TNFRSF8: variants seen among roughly 807,000 people sequenced by gnomAD.
TNFRSF8 encodes the protein TNF receptor superfamily member 8.
Under a neutral mutation model 70.8 loss-of-function variants are expected in TNFRSF8, and 26 were observed. That is an observed-to-expected ratio of 0.37 (90% CI 0.27 to 0.51). TNFRSF8 has a LOEUF of 0.51. TNFRSF8 is among the 20% of genes least tolerant of loss of function. The pLI, the probability that TNFRSF8 is intolerant of heterozygous loss-of-function variation, is 0.94. For missense variants in TNFRSF8, 720 were observed against 807.9 expected, an observed-to-expected ratio of 0.89 and a Z score of 1.32; for synonymous variants, 356 against 339.2, an observed-to-expected ratio of 1.05 and a Z score of -0.54.
rs762314898 is a variant in TNFRSF8 at position 12,119,704 on chromosome 1, C to T, written c.947-3580C>T. Among the ~76,000 whole-genome samples, 2 of 151,980 alleles carry T rather than the reference C, an allele frequency of 1.3e-5. No individual in the cohort carries two copies. The highest frequency in any genetic ancestry group is 2.4e-5 in the African/African-American group (1 of 41,358). On this transcript the variant is annotated intron_variant, in intron 8 of 14. Transcript: ENST00000263932. The surrounding 1 kb of genome is among the most constrained non-coding windows in gnomAD (Gnocchi z 4.4). Reference sequence around the variant, plus strand: ...GCAGCATTGAACTCCTGGGCTCGGGCGATCCTCCCACCTCAGCCTCCCACA... The same window carrying T: ...GCAGCATTGAACTCCTGGGCTCGGGTGATCCTCCCACCTCAGCCTCCCACA...
rs1012881524 is a variant in TNFRSF8, at chr1:12,141,156, C to G, written c.1544-1131C>G. On this transcript the variant is annotated intron_variant, in intron 14 of 14. Coordinates refer to ENST00000263932, the MANE Select transcript of TNFRSF8 (RefSeq NM_001243.5). The surrounding 1 kb of genome is among the most constrained non-coding windows in gnomAD (Gnocchi z 5.4). Reference sequence around the variant, plus strand: ...TTGAGGGTGTGGGGGACTCGAGAACCTTTTTGGGGTTCCTGAATCCGAGGG... The same window carrying G: ...TTGAGGGTGTGGGGGACTCGAGAACGTTTTTGGGGTTCCTGAATCCGAGGG... 2.0e-5 allele frequency among the ~76,000 whole-genome samples: 3 copies of G among 152,068 alleles called. No homozygotes were observed. The highest frequency in any genetic ancestry group is 6.5e-5 in the Admixed American group (1 of 15,276).
At position 12,093,437 on chromosome 1, in the gene TNFRSF8, G is replaced by A. The variant is rs553566317; in HGVS notation, c.152-3664G>A. 1.4e-4 allele frequency among the ~76,000 whole-genome samples: 22 copies of A among 152,264 alleles called. No homozygotes were observed. The East Asian group carries it at 1.9e-3, about 13-fold the overall frequency. ...CTGGGAGTGCAGGCTGGGGAATGCC[G>A]TATGAACTAGGTTGACAGAACATGT... On this transcript the variant is annotated intron_variant, in intron 2 of 14. Coordinates refer to ENST00000263932, the MANE Select transcript of TNFRSF8 (RefSeq NM_001243.5).
At chr1:12,097,326 T>A in intron 3 of TNFRSF8, 109 bp downstream of exon 3, 1 of 753,500 alleles carries the variant, frequency 1.3e-6, no homozygotes, top group Non-Finnish European at 2.2e-6. Context: ...TGATGTCTGT[T>A]CTCTGAATTG....
chr1:12,101,607 G>A (rs549281445), intron 3 of TNFRSF8, among the ~76,000 whole-genome samples: 3 of 152,244 alleles, frequency 2.0e-5, no homozygotes, highest in East Asian at 1.9e-4. Flanking sequence ...TGGGAGTAAC[G>A]CACGTGCTAC....
At chr1:12,128,661 T>G (rs1641987869) in intron 12 of TNFRSF8, among the ~76,000 whole-genome samples, 1 of 152,086 alleles carries the variant, frequency 6.6e-6, no homozygotes, top group African/African-American at 2.4e-5. Context: ...TTGGCACCAT[T>G]GACATTTGGG....
In TNFRSF8 at chr1:12,138,327, C is replaced by T. The variant is rs1296024076; in HGVS notation, c.1434C>T (p.Ala478=). Residue 478 remains alanine, a synonymous_variant, in exon 14 of 15, where the codon GCC becomes GCT. Transcript: ENST00000263932. This position sits in a 1 kb window ranked among gnomAD's most constrained non-coding sequence, Gnocchi z 5.7. ...LMETCHSVGA[A]YLESLPLQDA... is the part of the protein sequence containing the mutation. ...AGACCTGCCACAGCGTGGGGGCAGC[C>T]TACCTGGAGAGCCTGCCGCTGCAGG... 1.9e-6 allele frequency: 3 copies of T among 1,613,766 alleles called. No individual in the cohort carries two copies. The highest frequency in any genetic ancestry group is 1.3e-5 in the African/African-American group (1 of 75,038).
intron 1 of TNFRSF8, among the ~76,000 whole-genome samples, chr1:12,077,301 C>T (rs927400203): frequency 7.2e-5 from 11 of 152,244 alleles, no homozygotes; most frequent in South Asian, 4.1e-4. Flanking sequence ...ATTATCAGGG[C>T]GGGCCCAATC....
In TNFRSF8 at chr1:12,119,555, C is replaced by CTTT. The variant is rs57055779; in HGVS notation, c.947-3718_947-3716dup. ...ATGAATGAAAACAGCTGTGAATATT[C>CTTT]TTTTTTTTTTTTTAACATGTATGAA... On this transcript the variant is annotated intron_variant, in intron 8 of 14. Coordinates refer to ENST00000263932, the MANE Select transcript of TNFRSF8 (RefSeq NM_001243.5). This position sits in a 1 kb window ranked among gnomAD's most constrained non-coding sequence, Gnocchi z 4.4. Among the ~76,000 whole-genome samples the CTTT allele has an allele frequency of 0.02, 2,960 of 145,880 alleles. 47 individuals are homozygous for CTTT. The highest frequency in any genetic ancestry group is 0.039 in the South Asian group (179 of 4,582).
intron 3 of TNFRSF8, among the ~76,000 whole-genome samples, chr1:12,102,493 CATT>C (rs1641442088): frequency 6.6e-6 from 1 of 152,108 alleles, no homozygotes; most frequent in Admixed American, 6.5e-5. Context: ...GCCTGTTACA[CATT>C]AATTATTAGT....
intron 12 of TNFRSF8, among the ~76,000 whole-genome samples, chr1:12,130,676 C>T (rs564082326): frequency 5.9e-5 from 9 of 152,342 alleles, no homozygotes; most frequent in African/African-American, 2.2e-4. Flanking sequence ...CGCACGTGCT[C>T]CGTGAGCGTG....
intron 4 of TNFRSF8, among the ~76,000 whole-genome samples, chr1:12,105,519 A>C (rs1264696275): frequency 6.7e-6 from 1 of 148,958 alleles, no homozygotes; most frequent in Non-Finnish European, 1.5e-5. Flanking sequence ...ACCAAATCTG[A>C]ATCTGATCCT....
Position 12,143,233 on chromosome 1 carries a change from C to T in TNFRSF8, c.*702C>T, listed in dbSNP as rs1642291631. 1 of 152,346 alleles carries T rather than the reference C, an allele frequency of 6.6e-6. No homozygotes were observed. 9.4% of individuals were successfully genotyped at this position (152,346 alleles called of 1,614,324 possible). On this transcript the variant is annotated 3_prime_UTR_variant, in exon 15 of 15. Transcript: ENST00000263932. The surrounding 1 kb of genome is among the most constrained non-coding windows in gnomAD (Gnocchi z 4.1). Reference sequence around the variant, plus strand: ...CCCTCGGTGGGCCCAGGGCCTAGGGCCCAGGATCAAGTCACTCATCTCAGA... The same window carrying T: ...CCCTCGGTGGGCCCAGGGCCTAGGGTCCAGGATCAAGTCACTCATCTCAGA...
chr1:12,073,808 C>T (rs1312715990), intron 1 of TNFRSF8, among the ~76,000 whole-genome samples: 1 of 151,920 alleles, frequency 6.6e-6, no homozygotes, highest in African/African-American at 2.4e-5. Flanking sequence ...GTTGGCCAAG[C>T]TGGTCTCAAA....
At position 12,069,718 on chromosome 1, in the gene TNFRSF8, G is replaced by A. The variant is rs114920096; in HGVS notation, c.63+6057G>A. Among the ~76,000 whole-genome samples the A allele has an allele frequency of 2.3e-3, 348 of 152,278 alleles. 1 individual carries two copies. Among genetic ancestry groups the A allele is most frequent in the African/African-American group, 7.7e-3 (318 of 41,544 alleles). Reference sequence around the variant, plus strand: ...TGCCAGGAAGCACTCCGGGTGCTGCGAGTTCATCCATGCACCGCATAGCAG... The same window carrying A: ...TGCCAGGAAGCACTCCGGGTGCTGCAAGTTCATCCATGCACCGCATAGCAG... On this transcript the variant is annotated intron_variant, in intron 1 of 14. Transcript: ENST00000263932.
Position 12,109,434 on chromosome 1 carries a change from G to T in TNFRSF8, c.422-132G>T. ...GAAGGGGAACGGGTGCCAGGCGGGT[G>T]CCACCTCCAGATGACTGCTGTGTTT... On this transcript the variant is annotated intron_variant, in intron 4 of 14. Coordinates refer to ENST00000263932, the MANE Select transcript of TNFRSF8 (RefSeq NM_001243.5). The surrounding 1 kb of genome is among the most constrained non-coding windows in gnomAD (Gnocchi z 4.4). The T allele has an allele frequency of 1.5e-6, 1 of 658,624 alleles. No homozygotes were observed. The highest frequency in any genetic ancestry group is 2.8e-5 in the Admixed American group (1 of 36,076). 40.8% of individuals were successfully genotyped at this position (658,624 alleles called of 1,614,324 possible).
rs2230627 is a variant in TNFRSF8, at chr1:12,138,404, G to T, written c.1511G>T (p.Arg504Leu). 1 of 1,613,380 alleles carries T rather than the reference G, an allele frequency of 6.2e-7. No individual in the cohort carries two copies. Among genetic ancestry groups the T allele is most frequent in the African/African-American group, 1.3e-5 (1 of 74,918 alleles). The change falls in exon 14 of 15, where the codon CGG (arginine) becomes CTG (leucine). Residue 504 changes from arginine (R) to leucine (L), a missense_variant. Transcript: ENST00000263932. This position sits in a 1 kb window ranked among gnomAD's most constrained non-coding sequence, Gnocchi z 5.7. ...TCCCCCAGGGACCTTCCTGAGCCCC[G>T]GGTGTCCACGGAGCACACCAATAAC... ...PSSPRDLPEP[R>L]VSTEHTNNKI... is the part of the protein sequence containing the mutation.
intron 3 of TNFRSF8, among the ~76,000 whole-genome samples, chr1:12,100,681 G>A (rs1641407107): frequency 6.6e-6 from 1 of 152,176 alleles, no homozygotes; most frequent in Non-Finnish European, 1.5e-5. Context: ...CATTGGCAGC[G>A]TGCAGTGACT....
rs568715145 is a variant in TNFRSF8, at chr1:12,084,482, A to G, written c.82A>G (p.Thr28Ala). Residue 28 changes from threonine to alanine, a missense_variant, in exon 2 of 15, where the codon ACC becomes GCC. Transcript: ENST00000263932. ...AFPQDRPFEDTCHGNPSHYYD... is the reference protein window; with the variant it reads ...AFPQDRPFEDACHGNPSHYYD... The stretch of plus-strand genomic sequence containing the variant: ...CTGCCAGGATCGACCCTTCGAGGAC[A>G]CCTGTCATGGAAACCCCAGCCACTA... 2.2e-5 allele frequency: 36 copies of G among 1,613,424 alleles called. 2 individuals carry two copies. The South Asian group carries it at 3.7e-4, about 17-fold the overall frequency.
At chr1:12,132,601 G>C (rs1266626014) in intron 12 of TNFRSF8, among the ~76,000 whole-genome samples, 1 of 152,096 alleles carries the variant, frequency 6.6e-6, no homozygotes, top group Non-Finnish European at 1.5e-5. Flanking sequence ...ACTTTGGGAG[G>C]CCAAGCCTGG....
Sources: gnomAD v4.1 joint callset for allele counts (sites outside exome capture counted in the v4.1 genomes callset) on GRCh38, gnomAD v4.1.1 for gene constraint, Gnocchi (gnomAD v3.1) non-coding constraint, MANE v1.5 for transcripts, NCBI Gene and HGNC (gene_info 2026-07-23, HGNC 2026-07-21) for gene names.